Variants in NTM observed in about 807,000 individuals in gnomAD.
NTM encodes the protein neurotrimin, also known as IgLON family member 2.
In NTM, 13 loss-of-function variants were observed where a neutral mutation model predicts 42.1. That is an observed-to-expected ratio of 0.31 (90% confidence interval 0.20 to 0.49). The LOEUF is 0.49. Ranked by LOEUF, NTM falls within the 20% of genes least tolerant of loss-of-function variation. The pLI, the probability that NTM is intolerant of heterozygous loss-of-function variation, is 0.99. For missense variants in NTM, 373 were observed against 452.8 expected, an observed-to-expected ratio of 0.82 and a Z score of 1.60; for synonymous variants, 187 against 179.2, an observed-to-expected ratio of 1.04 and a Z score of -0.35.
intron 1 of NTM, among the ~76,000 whole-genome samples, chr11:131,399,296 G>T (rs1379052487): frequency 6.6e-6 from 1 of 152,162 alleles, no homozygotes; most frequent in Non-Finnish European, 1.5e-5. Context: ...CATGGTAGAA[G>T]AGAGATGGAC....
At chr11:131,942,560 C>T (rs756069936) in intron 2 of NTM, among the ~76,000 whole-genome samples, 34 of 152,144 alleles carry the variant, frequency 2.2e-4, no homozygotes, top group Non-Finnish European at 4.0e-4. Context: ...AACATTGTCT[C>T]TGCACAGGGA....
chr11:132,248,869 G>A (rs1307559791), intron 4 of NTM, among the ~76,000 whole-genome samples: 2 of 152,218 alleles, frequency 1.3e-5, no homozygotes, highest in Non-Finnish European at 2.9e-5. Context: ...AGCTGGATGG[G>A]CACTGCATAG....
chr11:132,125,186 A>T (rs1359596325), intron 2 of NTM, among the ~76,000 whole-genome samples: 1 of 152,146 alleles, frequency 6.6e-6, no homozygotes, highest in East Asian at 1.9e-4. Flanking sequence ...TGAGTGAGTG[A>T]ATCAGGAAAG....
At chr11:131,771,257 G>A (rs1296563489) in intron 1 of NTM, 1 of 152,154 alleles carries the variant, frequency 6.6e-6, no homozygotes, top group Non-Finnish European at 1.5e-5. Flanking sequence ...AATGCAGTTT[G>A]GTTTTTATGC....
intron 1 of NTM, among the ~76,000 whole-genome samples, chr11:131,376,434 A>G (rs1367961545): frequency 6.6e-6 from 1 of 152,104 alleles, no homozygotes; most frequent in Non-Finnish European, 1.5e-5. Flanking sequence ...AATCTCCCCT[A>G]CTTAAGTCAT....
chr11:131,414,865 A>G (rs968818901), intron 1 of NTM, among the ~76,000 whole-genome samples: 1 of 152,124 alleles, frequency 6.6e-6, no homozygotes, highest in Non-Finnish European at 1.5e-5. Flanking sequence ...TAGTCCTTCC[A>G]TTGCCAAACA....
chr11:131,754,472 A>C (rs1005329499), intron 1 of NTM, among the ~76,000 whole-genome samples: 2 of 152,108 alleles, frequency 1.3e-5, no homozygotes, highest in African/African-American at 4.8e-5. Context: ...TAAACATACA[A>C]AAATTAGCTG....
intron 1 of NTM, among the ~76,000 whole-genome samples, chr11:131,380,937 TA>T (rs1336897189): frequency 2.0e-5 from 3 of 152,342 alleles, no homozygotes; most frequent in Admixed American, 6.5e-5. Flanking sequence ...TTCTGACAAA[TA>T]TTTTTTTTAG....
At chr11:131,400,274 T>G (rs1357774065) in intron 1 of NTM, among the ~76,000 whole-genome samples, 1 of 152,190 alleles carries the variant, frequency 6.6e-6, no homozygotes, top group African/African-American at 2.4e-5. Flanking sequence ...CAATTGCAGC[T>G]CAGTGTCTGT....
At chr11:131,725,101 G>C (rs1020531783) in intron 1 of NTM, among the ~76,000 whole-genome samples, 4 of 152,134 alleles carry the variant, frequency 2.6e-5, no homozygotes, top group African/African-American at 7.2e-5. Flanking sequence ...CGTCAAAGAT[G>C]GGGGATGCCT....
chr11:132,081,723 A>G (rs941894545), intron 2 of NTM, among the ~76,000 whole-genome samples: 11 of 131,810 alleles, frequency 8.3e-5, no homozygotes, highest in African/African-American at 2.4e-4. Context: ...GACTCCATCT[A>G]AAAAAAAAAA....
In NTM at chr11:131,620,493, C is replaced by T. The variant is rs150220236; in HGVS notation, c.82+249605C>T. ...CCCATCTGGCTCACAAATCATCCCA[C>T]ATCCTGGCTGGCCCATGATCCCATT... On this transcript the variant is annotated intron_variant, in intron 1 of 8. Transcript: ENST00000683400. Among the ~76,000 whole-genome samples, 12 of 152,312 alleles carry T rather than the reference C, an allele frequency of 7.9e-5. No individual in the cohort carries two copies. The East Asian group carries it at 2.1e-3, about 27-fold the overall frequency.
intron 4 of NTM, among the ~76,000 whole-genome samples, chr11:132,275,700 ATG>A (rs1383367100): frequency 7.0e-6 from 1 of 141,962 alleles, no homozygotes; most frequent in African/African-American, 2.6e-5. Flanking sequence ...TTATATATAT[ATG>A]TATATATATA....
chr11:132,224,675 G>A (rs1270296948), intron 4 of NTM, among the ~76,000 whole-genome samples: 1 of 152,162 alleles, frequency 6.6e-6, no homozygotes, highest in Non-Finnish European at 1.5e-5. Flanking sequence ...GTCTTCCTGT[G>A]GTCCAGAGTA....
chr11:132,026,121 C>T (rs1284533038), intron 2 of NTM, among the ~76,000 whole-genome samples: 2 of 152,144 alleles, frequency 1.3e-5, no homozygotes, highest in Admixed American at 6.6e-5. Context: ...TGTACAAATG[C>T]TAATCATTAT....
At chr11:132,172,616 C>T (rs986050445) in intron 3 of NTM, among the ~76,000 whole-genome samples, 2 of 152,122 alleles carry the variant, frequency 1.3e-5, no homozygotes, top group African/African-American at 2.4e-5. Flanking sequence ...TGATTCATGC[C>T]AACTCCCATT....
At chr11:132,085,257 T>C (rs992655533) in intron 2 of NTM, among the ~76,000 whole-genome samples, 1 of 152,246 alleles carries the variant, frequency 6.6e-6, no homozygotes, top group African/African-American at 2.4e-5. Context: ...TTCAGTGGTC[T>C]CAATTACATG....
intron 1 of NTM, among the ~76,000 whole-genome samples, chr11:131,527,556 G>T (rs979260575): frequency 3.0e-4 from 45 of 152,160 alleles, no homozygotes; most frequent in African/African-American, 1.1e-3. Flanking sequence ...GCCTTAGTTG[G>T]GGATAGAGAA....
chr11:132,109,019 C>T (rs2062809305), intron 2 of NTM, among the ~76,000 whole-genome samples: 1 of 152,152 alleles, frequency 6.6e-6, no homozygotes, highest in African/African-American at 2.4e-5. Flanking sequence ...CCATATTTCT[C>T]CAAAGGACAT....
Sources: gnomAD v4.1 joint callset for allele counts (sites outside exome capture counted in the v4.1 genomes callset) on GRCh38, gnomAD v4.1.1 for gene constraint, MANE v1.5 for transcripts, NCBI Gene and HGNC (gene_info 2026-07-23, HGNC 2026-07-21) for gene names.